NUP35: variants seen among roughly 807,000 people sequenced by gnomAD.
The protein encoded by NUP35 is nucleoporin 35, also known as nucleoporin NUP35.
A neutral mutation model predicts 41.5 loss-of-function variants in NUP35; 25 were observed. The observed-to-expected ratio is 0.60, with a 90% confidence interval of 0.44 to 0.84. The LOEUF (loss-of-function observed/expected upper bound fraction) is 0.84, where lower values mean the gene tolerates loss of function less well. NUP35 is among the 40% of genes least tolerant of loss of function. The pLI, the probability that NUP35 is intolerant of heterozygous loss-of-function variation, is 0.00. For synonymous variants in NUP35, 149 were observed against 130.7 expected (o/e 1.14, Z -0.96); for missense variants, 396 against 396.6 (o/e 1.00, Z 0.01).
chr2:183,160,887 C>T (rs1685849369), intron 8 of NUP35, 167 bp from the exon 9 acceptor site: 2 of 489,356 alleles, frequency 4.1e-6, no homozygotes, highest in Admixed American at 3.0e-5. Flanking sequence ...TCGAGACCAT[C>T]CTGGCTAACA....
At chr2:183,118,162 T>C (rs1002226752) in intron 1 of NUP35, among the ~76,000 whole-genome samples, 32 of 152,324 alleles carry the variant, frequency 2.1e-4, no homozygotes, top group East Asian at 1.5e-3. Context: ...TGATGAAATC[T>C]GATGTCCTGG....
chr2:183,124,978 C>G (rs1684391085), intron 1 of NUP35, among the ~76,000 whole-genome samples: 1 of 149,606 alleles, frequency 6.7e-6, no homozygotes, highest in South Asian at 2.1e-4. Flanking sequence ...TTTGACTCCT[C>G]TCTCCCGGGC....
intron 5 of NUP35, among the ~76,000 whole-genome samples, chr2:183,154,737 G>C (rs75362125): frequency 0.078 from 11,824 of 152,144 alleles, 545 homozygotes; most frequent in South Asian, 0.17. Context: ...CTGCCTATTA[G>C]CCAGTTCCAA....
At chr2:183,139,816 CA>C (rs1685021346) in intron 4 of NUP35, among the ~76,000 whole-genome samples, 1 of 152,178 alleles carries the variant, frequency 6.6e-6, no homozygotes, top group Non-Finnish European at 1.5e-5. Flanking sequence ...ACCTTGCCAA[CA>C]ACATAATTTT....
chr2:183,160,236 A>G (rs1315399442), intron 8 of NUP35: 1 of 152,424 alleles, frequency 6.6e-6, no homozygotes, highest in Non-Finnish European at 1.5e-5. Context: ...CACACAGTAC[A>G]TGAAACACTT....
In NUP35 at chr2:183,128,334, G is replaced by T. The variant is rs747842900; in HGVS notation, c.88G>T (p.Val30Phe). Residue 30 changes from valine to phenylalanine, a missense_variant, in exon 2 of 9, where the codon GTT becomes TTT. Transcript: ENST00000295119. ...LGSPTSPKPG[V>F]NAQFLPGFLM... Reference sequence around the variant, plus strand: ...TTCACCCACATCTCCAAAGCCAGGAGTTAATGCCCAGTTCTTACCTGGATT... The same window carrying T: ...TTCACCCACATCTCCAAAGCCAGGATTTAATGCCCAGTTCTTACCTGGATT... 6.2e-7 allele frequency: 1 copy of T among 1,613,644 alleles called. No individual in the cohort carries two copies. Among genetic ancestry groups the T allele is most frequent in the South Asian group, 1.1e-5 (1 of 91,018 alleles).
chr2:183,150,571 C>A (rs1685436091), intron 4 of NUP35, among the ~76,000 whole-genome samples: 1 of 152,148 alleles, frequency 6.6e-6, no homozygotes, highest in Non-Finnish European at 1.5e-5. Flanking sequence ...TTTAACCCAC[C>A]CACACAAATT....
chr2:183,140,451 G>T (rs35873918), intron 4 of NUP35, among the ~76,000 whole-genome samples: 68 of 152,100 alleles, frequency 4.5e-4, no homozygotes, highest in African/African-American at 1.6e-3. Flanking sequence ...TTACTCTCAT[G>T]TCAGATTAAC....
At chr2:183,123,714 T>C (rs1267915724), upstream of NUP35, 1 of 793,244 alleles carries the variant, frequency 1.3e-6, no homozygotes, top group Admixed American at 6.2e-5. Context: ...AATATGTGTA[T>C]GTGATTTACG....
At chr2:183,126,121 C>T (rs1294690950) in intron 1 of NUP35, among the ~76,000 whole-genome samples, 2 of 152,138 alleles carry the variant, frequency 1.3e-5, no homozygotes. Context: ...ACTGCAACCT[C>T]CCCCTCCGGG....
intron 4 of NUP35, among the ~76,000 whole-genome samples, chr2:183,149,216 A>T (rs1211660042): frequency 1.3e-5 from 2 of 152,182 alleles, no homozygotes; most frequent in African/African-American, 4.8e-5. Flanking sequence ...TTAGTTTTGT[A>T]GTTTTTACCT....
intron 8 of NUP35, 59 bp from the exon 9 acceptor site, chr2:183,160,995 G>A (rs72896518): frequency 0.035 from 43,499 of 1,258,654 alleles, 992 homozygotes; most frequent in Non-Finnish European, 0.042. Flanking sequence ...TTCTAGAATT[G>A]CCTATGACAC....
chr2:183,148,033 C>T (rs75432868), intron 4 of NUP35, among the ~76,000 whole-genome samples: 1 of 152,062 alleles, frequency 6.6e-6, no homozygotes, highest in East Asian at 1.9e-4. Context: ...CTTTTTTAAG[C>T]ACTCGCTTAT....
upstream of NUP35, among the ~76,000 whole-genome samples, chr2:183,121,223 G>A (rs1351066025): frequency 6.6e-6 from 1 of 152,134 alleles, no homozygotes; most frequent in Non-Finnish European, 1.5e-5. Flanking sequence ...AAAATAGTTG[G>A]GGTCAGTAGT....
chr2:183,136,947 A>G (rs983062280), intron 4 of NUP35, among the ~76,000 whole-genome samples: 6 of 152,046 alleles, frequency 3.9e-5, no homozygotes, highest in Admixed American at 2.0e-4. Flanking sequence ...AAAATTAGCC[A>G]GGCATGGTGG....
chr2:183,123,444 G>A (rs1700097206), upstream of NUP35, among the ~76,000 whole-genome samples: 1 of 152,184 alleles, frequency 6.6e-6, no homozygotes, highest in South Asian at 2.1e-4. Flanking sequence ...CGATCTGTGA[G>A]TGGTTTTAAA....
At chr2:183,134,565 C>G (rs555607323) in intron 4 of NUP35, among the ~76,000 whole-genome samples, 1 of 151,636 alleles carries the variant, frequency 6.6e-6, no homozygotes, top group East Asian at 1.9e-4. Flanking sequence ...GGGCTAAAAT[C>G]TAGACATTGG....
intron 5 of NUP35, among the ~76,000 whole-genome samples, chr2:183,152,051 C>T (rs1053244548): frequency 6.6e-6 from 1 of 150,808 alleles, no homozygotes; most frequent in Non-Finnish European, 1.5e-5. Context: ...TTTCTAGTGA[C>T]TGGTTCTCTA....
At chr2:183,152,558 C>T (rs1685508968) in intron 5 of NUP35, among the ~76,000 whole-genome samples, 1 of 152,318 alleles carries the variant, frequency 6.6e-6, no homozygotes, top group African/African-American at 2.4e-5. Flanking sequence ...TCCTAAGTTA[C>T]TTCACTTAGA....
Sources: allele counts gnomAD v4.1 joint callset (sites outside exome capture counted in the v4.1 genomes callset), GRCh38; gene constraint gnomAD v4.1.1; transcripts MANE v1.5; gene names NCBI Gene and HGNC (gene_info 2026-07-23, HGNC 2026-07-21).